USP32: variants seen among roughly 807,000 people sequenced by gnomAD.
USP32 encodes the protein ubiquitin specific peptidase 32, also known as ubiquitin carboxyl-terminal hydrolase 32.
A neutral mutation model predicts 204.8 loss-of-function variants in USP32; 59 were observed. That is an observed-to-expected ratio of 0.29 (90% confidence interval 0.23 to 0.36). The LOEUF is 0.36. USP32 is among the 10% of genes least tolerant of loss of function. USP32 has a pLI of 1.00. For missense variants in USP32, 1,160 were observed against 1,946.4 expected (o/e 0.60, Z 7.60); for synonymous variants, 517 against 678.4 (o/e 0.76, Z 3.70).
intron 13 of USP32, 24 bp from the exon 14 acceptor site, chr17:60,223,610 A>C: frequency 1.3e-6 from 2 of 1,571,408 alleles, no homozygotes; most frequent in African/African-American, 1.4e-5. Flanking sequence ...AGAGGATAGA[A>C]TCTCTTATTT....
At chr17:60,308,534 A>G (rs138199086) in intron 2 of USP32, among the ~76,000 whole-genome samples, 1 of 152,362 alleles carries the variant, frequency 6.6e-6, no homozygotes, top group African/African-American at 2.4e-5. Context: ...AAAATTTACA[A>G]TCCACTCATC....
chr17:60,336,715 CAA>C (rs573590957), intron 2 of USP32, among the ~76,000 whole-genome samples: 8 of 71,570 alleles, frequency 1.1e-4, no homozygotes, highest in Admixed American at 1.6e-4. Flanking sequence ...GACTCCATCT[CAA>C]AAAAAAAAAA....
At chr17:60,323,389 T>C (rs1047102162) in intron 2 of USP32, among the ~76,000 whole-genome samples, 5 of 152,200 alleles carry the variant, frequency 3.3e-5, no homozygotes, top group African/African-American at 9.6e-5. Flanking sequence ...ATTTCATTTA[T>C]ATGAAATTAC....
At chr17:60,218,512 A>C (rs559036796) in intron 16 of USP32, among the ~76,000 whole-genome samples, 2 of 152,304 alleles carry the variant, frequency 1.3e-5, no homozygotes, top group South Asian at 4.1e-4. Context: ...CAGGGTTTAG[A>C]GGTAGTTCTT....
intron 5 of USP32, among the ~76,000 whole-genome samples, chr17:60,277,525 T>C (rs1188283731): frequency 1.3e-5 from 2 of 152,220 alleles, no homozygotes; most frequent in Non-Finnish European, 2.9e-5. Flanking sequence ...AAGTCCTTTA[T>C]TCCCTATTGA....
chr17:60,421,428 G>T (rs2090112291), intron 1 of USP32: 1 of 985,678 alleles, frequency 1.0e-6, no homozygotes, highest in Non-Finnish European at 1.2e-6. Context: ...TGGCAGGGGA[G>T]GCCCGGGCCG....
At chr17:60,276,144 C>T (rs891573751) in intron 5 of USP32, among the ~76,000 whole-genome samples, 6 of 151,928 alleles carry the variant, frequency 3.9e-5, no homozygotes, top group African/African-American at 7.3e-5. Context: ...TTTGGGAAGC[C>T]GAGGTAAGAG....
chr17:60,283,637 C>A (rs564439924), intron 5 of USP32, among the ~76,000 whole-genome samples: 10 of 148,916 alleles, frequency 6.7e-5, no homozygotes, highest in Non-Finnish European at 1.3e-4. Flanking sequence ...TACTATCAAC[C>A]AGGATATAAA....
chr17:60,325,972 C>CAAAAAAAAAA (rs374347100), intron 2 of USP32, among the ~76,000 whole-genome samples: 1 of 58,280 alleles, frequency 1.7e-5, no homozygotes, highest in Non-Finnish European at 3.7e-5. Context: ...GACTCTGTCT[C>CAAAAAAAAAA]AAAAAAAAAA....
At chr17:60,329,276 G>GT (rs1183263676) in intron 2 of USP32, among the ~76,000 whole-genome samples, 3 of 132,454 alleles carry the variant, frequency 2.3e-5, no homozygotes, top group Admixed American at 6.8e-5. Context: ...ATGTGTGTGT[G>GT]TGTTTTTTTT....
At chr17:60,358,580 A>G (rs917946192) in intron 1 of USP32, among the ~76,000 whole-genome samples, 1 of 152,162 alleles carries the variant, frequency 6.6e-6, no homozygotes, top group African/African-American at 2.4e-5. Context: ...TCTCAAAAAA[A>G]CATAATAAAA....
chr17:60,313,115 GT>G (rs1385059217), intron 2 of USP32, among the ~76,000 whole-genome samples: 1 of 151,896 alleles, frequency 6.6e-6, no homozygotes, highest in Non-Finnish European at 1.5e-5. Context: ...GCCAGTCATG[GT>G]GGCAGGCACC....
At chr17:60,341,196 G>T (rs2088650180) in intron 2 of USP32, among the ~76,000 whole-genome samples, 1 of 152,200 alleles carries the variant, frequency 6.6e-6, no homozygotes, top group Admixed American at 6.6e-5. Context: ...CTCTGTTCCT[G>T]AATTTGAATG....
chr17:60,396,368 C>T (rs973635323), upstream of USP32, among the ~76,000 whole-genome samples: 2 of 152,128 alleles, frequency 1.3e-5, no homozygotes, highest in African/African-American at 2.4e-5. Context: ...TGAGCCACCA[C>T]GCCTGTCCCG....
At chr17:60,228,436 T>C (rs2085451982) in intron 12 of USP32, among the ~76,000 whole-genome samples, 1 of 152,160 alleles carries the variant, frequency 6.6e-6, no homozygotes, top group East Asian at 1.9e-4. Context: ...TCACAGCTTT[T>C]CTAATATGGA....
chr17:60,255,703 T>C (rs1158817558), intron 9 of USP32, among the ~76,000 whole-genome samples: 2 of 152,220 alleles, frequency 1.3e-5, no homozygotes, highest in African/African-American at 4.8e-5. Flanking sequence ...CCTAAATGCA[T>C]TCAATAGCAA....
Position 60,183,940 on chromosome 17 carries a change from T to TA in USP32, c.3835-488dup, listed in dbSNP as rs761672868. ...TGTCAAAATTCATCAAACTGGATATTAAAAATCTATGCTTTTAATTGTATG... is the reference window on the plus strand; with the variant it reads ...TGTCAAAATTCATCAAACTGGATATTAAAAAATCTATGCTTTTAATTGTATG... On this transcript the variant is annotated intron_variant, in intron 30 of 33. Coordinates refer to ENST00000300896, the MANE Select transcript of USP32 (RefSeq NM_032582.4). Among the ~76,000 whole-genome samples the TA allele has an allele frequency of 1.1e-4, 17 of 152,286 alleles. No homozygotes were observed. The East Asian group carries it at 3.3e-3, about 29-fold the overall frequency.
chr17:60,208,628 T>G, intron 23 of USP32, 26 bp downstream of exon 23: 1 of 1,468,070 alleles, frequency 6.8e-7, no homozygotes, highest in Non-Finnish European at 9.0e-7. Context: ...TGGAGTCAAG[T>G]AATTTTTCAG....
At chr17:60,251,668 C>T (rs1176298195) in intron 11 of USP32, among the ~76,000 whole-genome samples, 1 of 152,094 alleles carries the variant, frequency 6.6e-6, no homozygotes, top group Non-Finnish European at 1.5e-5. Flanking sequence ...TGGACTATAG[C>T]TATAAAATAT....
Sources: gnomAD v4.1 joint callset for allele counts (sites outside exome capture counted in the v4.1 genomes callset) on GRCh38, gnomAD v4.1.1 for gene constraint, MANE v1.5 for transcripts, NCBI Gene and HGNC (gene_info 2026-07-23, HGNC 2026-07-21) for gene names.